ZBTB20: variants seen among roughly 807,000 people sequenced by gnomAD.
ZBTB20 encodes the protein zinc finger and BTB domain containing 20.
A neutral mutation model predicts 56.9 loss-of-function variants in ZBTB20; 9 were observed. The observed-to-expected ratio is 0.16, with a 90% CI of 0.10 to 0.28. The LOEUF is 0.28. Among genes scored for constraint, ZBTB20 ranks in the 10% least tolerant of loss-of-function variants. The pLI, the probability that ZBTB20 is intolerant of heterozygous loss-of-function variation, is 1.00. For missense variants in ZBTB20, 655 were observed against 1,003.0 expected (o/e 0.65, Z 4.69); for synonymous variants, 417 against 420.7 (o/e 0.99, Z 0.11).
rs2079645255 is a variant in ZBTB20, at chr3:115,010,274, T to C, written c.-506-35858A>G. 2.6e-5 allele frequency among the ~76,000 whole-genome samples: 4 copies of C among 151,944 alleles called. No homozygotes were observed. The South Asian group carries it at 8.3e-4, about 32-fold the overall frequency. ...TGTAGAATCTCAGGCATTGAGCAAA[T>C]ATAGGCAGTAGCCAGGGAGCAGTTA... is the stretch of plus-strand genomic sequence containing the variant. On this transcript the variant is annotated intron_variant, in intron 2 of 11. Transcript: ENST00000675478.
chr3:114,854,072 A>T (rs1461840243), intron 4 of ZBTB20, among the ~76,000 whole-genome samples: 2 of 152,134 alleles, frequency 1.3e-5, no homozygotes, highest in Non-Finnish European at 2.9e-5. Flanking sequence ...GTAGTTCCAG[A>T]TTCTTAAGTT....
chr3:114,610,966 G>T (rs2057505945), intron 6 of ZBTB20, among the ~76,000 whole-genome samples: 1 of 152,114 alleles, frequency 6.6e-6, no homozygotes, highest in African/African-American at 2.4e-5. Flanking sequence ...AAAAATTTTG[G>T]AATTGTCCAA....
intron 4 of ZBTB20, among the ~76,000 whole-genome samples, chr3:114,871,937 TC>T (rs1159974947): frequency 6.6e-6 from 1 of 152,160 alleles, no homozygotes; most frequent in African/African-American, 2.4e-5. Context: ...CGTTTCTGTC[TC>T]CTGGTCCCAG....
At chr3:114,858,425 T>G (rs754170672) in intron 4 of ZBTB20, among the ~76,000 whole-genome samples, 5 of 152,140 alleles carry the variant, frequency 3.3e-5, no homozygotes, top group African/African-American at 4.8e-5. Flanking sequence ...AACAGCTTGA[T>G]GAAGAGAACA....
At chr3:114,557,579 A>G (rs1164739283) in intron 6 of ZBTB20, among the ~76,000 whole-genome samples, 1 of 151,972 alleles carries the variant, frequency 6.6e-6, no homozygotes, top group Non-Finnish European at 1.5e-5. Context: ...CTGATTATGA[A>G]ATTCAACATC....
intron 1 of ZBTB20, among the ~76,000 whole-genome samples, chr3:115,133,327 T>C (rs1409171542): frequency 6.6e-6 from 1 of 152,238 alleles, no homozygotes; most frequent in Non-Finnish European, 1.5e-5. Context: ...TTCTTCTTTT[T>C]CATTTCTAAT....
chr3:114,634,169 A>G (rs62266296), intron 6 of ZBTB20, among the ~76,000 whole-genome samples: 13,199 of 152,266 alleles, frequency 0.087, 602 homozygotes, highest in Middle Eastern at 0.16. Flanking sequence ...ACTGAGGCCC[A>G]GATAAGTAAC....
chr3:114,658,199 AACT>A (rs1667126541), intron 6 of ZBTB20: 1 of 152,192 alleles, frequency 6.6e-6, no homozygotes, highest in South Asian at 2.1e-4. Context: ...ATGTAAAGAA[AACT>A]ACCTTAATGA....
rs1232311800 is a variant in ZBTB20 at position 114,318,514 on chromosome 3, A to G, written c.*20491T>C. ...CTTGGCAGCCTCATCTCAGGATGGG[A>G]AAGTGTGGTTGCCCACTGAGAGGGT... On this transcript the variant is annotated 3_prime_UTR_variant, in exon 12 of 12. Coordinates refer to ENST00000675478, the MANE Select transcript of ZBTB20 (RefSeq NM_001348800.3). The G allele has an allele frequency of 6.6e-6, 1 of 152,216 alleles. No homozygotes were observed. Among genetic ancestry groups the G allele is most frequent in the Non-Finnish European group, 1.5e-5 (1 of 68,060 alleles). 9.4% of individuals were successfully genotyped at this position (152,216 alleles called of 1,614,324 possible). A position where few individuals can be genotyped will look rare whatever the true frequency, so the allele number is the denominator to read the frequency against.
At chr3:115,066,439 G>A (rs2082210110) in intron 2 of ZBTB20, among the ~76,000 whole-genome samples, 1 of 151,718 alleles carries the variant, frequency 6.6e-6, no homozygotes. Flanking sequence ...TTCCTCTTAG[G>A]TTCCTCATAG....
chr3:114,726,505 C>T (rs2065291338), intron 5 of ZBTB20, among the ~76,000 whole-genome samples: 1 of 152,116 alleles, frequency 6.6e-6, no homozygotes, highest in Non-Finnish European at 1.5e-5. Context: ...TGCTGTGTTC[C>T]ACCTCAAAGT....
intron 5 of ZBTB20, among the ~76,000 whole-genome samples, chr3:114,741,105 C>T (rs929447842): frequency 6.6e-6 from 1 of 152,168 alleles, no homozygotes; most frequent in Non-Finnish European, 1.5e-5. Flanking sequence ...ATGTTAAAAT[C>T]TCAGTAGGGA....
intron 8 of ZBTB20, 120 bp downstream of exon 8, chr3:114,388,882 CCTG>C (rs1378709586): frequency 1.3e-5 from 2 of 152,330 alleles, no homozygotes; most frequent in East Asian, 3.9e-4. Context: ...GTCTGGTTAC[CCTG>C]CTGATCCAAG....
intron 11 of ZBTB20, among the ~76,000 whole-genome samples, chr3:114,347,087 T>G (rs1203892973): frequency 1.6e-5 from 2 of 126,246 alleles, no homozygotes; most frequent in Non-Finnish European, 3.3e-5. Context: ...GTTTTTTTTT[T>G]TTTTTTTTTT....
At chr3:114,542,868 G>C (rs2049285386) in intron 6 of ZBTB20, among the ~76,000 whole-genome samples, 1 of 152,016 alleles carries the variant, frequency 6.6e-6, no homozygotes, top group Non-Finnish European at 1.5e-5. Context: ...ACTGTTCCTG[G>C]CACATTCACA....
At chr3:114,809,532 T>C (rs140787615) in intron 4 of ZBTB20, among the ~76,000 whole-genome samples, 265 of 152,260 alleles carry the variant, frequency 1.7e-3, no homozygotes, top group Non-Finnish European at 2.9e-3. Flanking sequence ...ATAACACTTA[T>C]GTTTATATTG....
At chr3:114,648,120 C>T (rs2059943786) in intron 6 of ZBTB20, among the ~76,000 whole-genome samples, 1 of 151,874 alleles carries the variant, frequency 6.6e-6, no homozygotes, top group Admixed American at 6.6e-5. Context: ...TGTATTATGA[C>T]ATTCCATTAT....
At chr3:114,806,855 CACTGCTTATTGAAAAG>C (rs1433965931) in intron 4 of ZBTB20, among the ~76,000 whole-genome samples, 3 of 151,918 alleles carry the variant, frequency 2.0e-5, no homozygotes, top group Non-Finnish European at 4.4e-5. Flanking sequence ...AATTACAGAG[CACTGCTTATTGAAAAG>C]ACTATCCCTT....
In ZBTB20 at chr3:114,334,278, C is replaced by T. The variant is rs1372807202; in HGVS notation, c.*4727G>A. On this transcript the variant is annotated 3_prime_UTR_variant, in exon 12 of 12. Transcript: ENST00000675478. Reference sequence around the variant, plus strand: ...CAGATCCACCTTGCTCCCTGTCTTCCTAGGGGTCACAGGTGTTGGGAGCAT... The same window carrying T: ...CAGATCCACCTTGCTCCCTGTCTTCTTAGGGGTCACAGGTGTTGGGAGCAT... The T allele has an allele frequency of 6.6e-6, 1 of 152,188 alleles. No individual in the cohort carries two copies. Among genetic ancestry groups the T allele is most frequent in the Non-Finnish European group, 1.5e-5 (1 of 68,020 alleles). The allele number at this position is 152,188 out of a possible 1,614,324, so 9.4% of individuals were successfully genotyped here.
Sources: allele counts gnomAD v4.1 joint callset (sites outside exome capture counted in the v4.1 genomes callset), GRCh38; gene constraint gnomAD v4.1.1; transcripts MANE v1.5; gene names NCBI Gene and HGNC (gene_info 2026-07-23, HGNC 2026-07-21).